LMF1: variants seen among roughly 807,000 people sequenced by gnomAD.
LMF1 encodes lipase maturation factor 1.
A neutral mutation model predicts 60.6 loss-of-function variants in LMF1; 68 were observed. The observed-to-expected ratio is 1.12, with a 90% CI of 0.92 to 1.37. The LOEUF is 1.37. LMF1 is among the 40% of genes most tolerant of loss of function. The probability of loss-of-function intolerance (pLI) is 0.00; values close to 1 mark genes in which losing one functional copy is unlikely to be tolerated. For synonymous variants in LMF1, 418 were observed against 324.7 expected (o/e 1.29, Z -3.09); for missense variants, 948 against 767.2 (o/e 1.24, Z -2.78).
At chr16:902,568 A>T in intron 4 of LMF1, 1 of 172,354 alleles carries the variant, frequency 5.8e-6, no homozygotes, top group Non-Finnish European at 1.2e-5. Context: ...AGTCTGGCTC[A>T]GTGTGGTGAC....
At chr16:882,251 G>C (rs2070181828) in intron 5 of LMF1, among the ~76,000 whole-genome samples, 1 of 152,248 alleles carries the variant, frequency 6.6e-6, no homozygotes, top group African/African-American at 2.4e-5. Context: ...AAAGAGAAGA[G>C]CATCAGGCTC....
At chr16:866,917 G>C (rs1193325133) in intron 10 of LMF1, among the ~76,000 whole-genome samples, 1 of 152,194 alleles carries the variant, frequency 6.6e-6, no homozygotes, top group Non-Finnish European at 1.5e-5. Context: ...GCTCCGTCCC[G>C]AGGGCCCTGC....
chr16:888,217 C>G (rs1239747057), intron 5 of LMF1, among the ~76,000 whole-genome samples: 1 of 152,094 alleles, frequency 6.6e-6, no homozygotes, highest in African/African-American at 2.4e-5. Context: ...GGCCGTGGGT[C>G]CCTGCCCGCC....
chr16:875,974 CACACCCCTCCATTCAGGCTGG>C (rs147411680), intron 6 of LMF1, among the ~76,000 whole-genome samples: 2,556 of 152,216 alleles, frequency 0.017, 79 homozygotes, highest in African/African-American at 0.058. Flanking sequence ...AATCCTGGAA[CACACCCCTCCATTCAGGCTGG>C]ACACCCCTCC....
chr16:919,695 C>CT (rs1037335397), intron 3 of LMF1, among the ~76,000 whole-genome samples: 1 of 142,770 alleles, frequency 7.0e-6, no homozygotes, highest in Admixed American at 7.1e-5. Context: ...TCCTGGAGGT[C>CT]TTGGGGAGAA....
At chr16:954,929 C>T (rs367586993) in intron 1 of LMF1, among the ~76,000 whole-genome samples, 2 of 141,532 alleles carry the variant, frequency 1.4e-5, no homozygotes, top group African/African-American at 2.7e-5. Context: ...ACATAAAATG[C>T]GTGCCCGCAG....
chr16:949,432 G>T (rs1276812454), intron 2 of LMF1, among the ~76,000 whole-genome samples: 1 of 145,018 alleles, frequency 6.9e-6, no homozygotes, highest in African/African-American at 2.5e-5. Flanking sequence ...CAACGACAGA[G>T]TCAGGCCAAC....
intron 10 of LMF1, among the ~76,000 whole-genome samples, chr16:866,155 G>A (rs1356460989): frequency 6.6e-6 from 1 of 152,176 alleles, no homozygotes; most frequent in African/African-American, 2.4e-5. Context: ...GTTTCCTGCT[G>A]TGACAAGTAA....
intron 6 of LMF1, among the ~76,000 whole-genome samples, chr16:875,009 A>G (rs2069930284): frequency 1.3e-5 from 2 of 152,208 alleles, no homozygotes; most frequent in East Asian, 3.9e-4. Flanking sequence ...CTGCCGGCCG[A>G]CCATCTTGTC....
At chr16:975,322 A>ATT (rs761547970), upstream of LMF1, among the ~76,000 whole-genome samples, 6 of 148,032 alleles carry the variant, frequency 4.1e-5, no homozygotes, top group Non-Finnish European at 9.0e-5. Context: ...CGAATGTGTA[A>ATT]TTTTTTTTTT....
intron 1 of LMF1, among the ~76,000 whole-genome samples, chr16:970,464 A>AGGGCCC (rs1489707079): frequency 1.3e-5 from 2 of 151,516 alleles, no homozygotes; most frequent in African/African-American, 4.9e-5. Flanking sequence ...CTCCTGGGCC[A>AGGGCCC]GGGCCCGGGC....
intron 5 of LMF1, among the ~76,000 whole-genome samples, chr16:884,417 G>A (rs2070249712): frequency 6.6e-6 from 1 of 152,200 alleles, no homozygotes; most frequent in African/African-American, 2.4e-5. Context: ...AATCTTTAAA[G>A]TACTAAACCT....
intron 1 of LMF1, among the ~76,000 whole-genome samples, chr16:960,259 A>C (rs1049274515): frequency 8.5e-5 from 13 of 152,148 alleles, no homozygotes; most frequent in African/African-American, 3.1e-4. Flanking sequence ...CAGCAAACTC[A>C]CAGTGACAGC....
Position 925,669 on chromosome 16 carries a change from G to A in LMF1, c.514+8575C>T, listed in dbSNP as rs1320305399. Among the ~76,000 whole-genome samples the A allele has an allele frequency of 1.2e-4, 19 of 152,172 alleles. 1 individual carries two copies. Among genetic ancestry groups the A allele is most frequent in the Admixed American group, 1.2e-3 (18 of 15,270 alleles). On this transcript the variant is annotated intron_variant, in intron 3 of 10. Coordinates refer to ENST00000262301, the MANE Select transcript of LMF1 (RefSeq NM_022773.4). ...AGGATCACTTGAGTCTGCGGAGGTC[G>A]AGGCTGCAATGAGCCGTGATTGTGC...
rs375903118 is a variant in LMF1 at position 940,408 on chromosome 16, G to A, written c.504-6154C>T. Among the ~76,000 whole-genome samples the A allele has an allele frequency of 2.4e-4, 36 of 152,188 alleles. 2 individuals carry two copies. The highest frequency in any genetic ancestry group is 2.3e-3 in the South Asian group (11 of 4,812). The stretch of plus-strand genomic sequence containing the variant: ...ACACAGGCTCACCCACCGGGGACCA[G>A]CATATCATGGAGGACAAGGCAGGTG... On this transcript the variant is annotated intron_variant, in intron 2 of 10. Transcript: ENST00000262301.
intron 6 of LMF1, among the ~76,000 whole-genome samples, chr16:879,177 G>A (rs1237763648): frequency 2.6e-5 from 4 of 152,148 alleles, no homozygotes; most frequent in East Asian, 1.9e-4. Flanking sequence ...GGTTCCCCGT[G>A]GACTGACATG....
intron 3 of LMF1, among the ~76,000 whole-genome samples, chr16:927,001 G>A (rs571521962): frequency 9.2e-5 from 14 of 152,156 alleles, no homozygotes; most frequent in Non-Finnish European, 1.9e-4. Context: ...GAAACACCCC[G>A]AGACCCCAGT....
chr16:978,345 A>C (rs1288893373), intron 1 of LMF1, among the ~76,000 whole-genome samples: 3 of 118,944 alleles, frequency 2.5e-5, no homozygotes, highest in Non-Finnish European at 5.2e-5. Context: ...ATACCATACA[A>C]ACACACACCA....
chr16:861,298 A>G (rs537604210), intron 10 of LMF1, among the ~76,000 whole-genome samples: 21 of 148,680 alleles, frequency 1.4e-4, no homozygotes, highest in African/African-American at 5.2e-4. Context: ...CTATTGAATC[A>G]TTTAGGTTGA....
Sources: allele counts gnomAD v4.1 joint callset (sites outside exome capture counted in the v4.1 genomes callset), GRCh38; gene constraint gnomAD v4.1.1; transcripts MANE v1.5; gene names NCBI Gene and HGNC (gene_info 2026-07-23, HGNC 2026-07-21).